The following FBXO36 variants were observed in gnomAD, a reference collection of about 807,000 sequenced individuals.
FBXO36 encodes F-box protein 36.
In FBXO36, 18 loss-of-function variants were observed where a neutral mutation model predicts 17.0. The observed-to-expected ratio is 1.06, with a 90% CI of 0.73 to 1.57. The LOEUF (loss-of-function observed/expected upper bound fraction) is 1.57. Ranked by LOEUF, FBXO36 falls within the 40% of genes most tolerant of loss-of-function variation. The probability of loss-of-function intolerance (pLI) is 0.00; values close to 1 mark genes in which losing one functional copy is unlikely to be tolerated. For missense variants in FBXO36, 229 were observed against 221.9 expected, an observed-to-expected ratio of 1.03 and a Z score of -0.20; for synonymous variants, 83 against 85.3, an observed-to-expected ratio of 0.97 and a Z score of 0.15.
chr2:229,987,821 A>G (rs1226498701), intron 2 of FBXO36, among the ~76,000 whole-genome samples: 1 of 151,936 alleles, frequency 6.6e-6, no homozygotes, highest in Non-Finnish European at 1.5e-5. Flanking sequence ...GGGTCTCACT[A>G]TGGTGCGCAG....
intron 2 of FBXO36, among the ~76,000 whole-genome samples, chr2:229,980,607 G>C (rs114579661): frequency 0.013 from 1,937 of 151,994 alleles, 46 homozygotes; most frequent in African/African-American, 0.042. Context: ...TAAGAGATTG[G>C]GGGGAGGGGT....
chr2:229,962,161 T>A (rs952875338), intron 1 of FBXO36, among the ~76,000 whole-genome samples: 1 of 151,464 alleles, frequency 6.6e-6, no homozygotes, highest in Non-Finnish European at 1.5e-5. Flanking sequence ...CCAGCCTGGG[T>A]GACAGAGTAT....
chr2:229,956,578 C>T (rs1339043235), intron 1 of FBXO36, among the ~76,000 whole-genome samples: 1 of 152,132 alleles, frequency 6.6e-6, no homozygotes, highest in Non-Finnish European at 1.5e-5. Context: ...GGTGACAACT[C>T]GTGACAAAGT....
chr2:229,981,641 G>A (rs982956064), intron 2 of FBXO36, among the ~76,000 whole-genome samples: 2 of 146,394 alleles, frequency 1.4e-5, no homozygotes, highest in Non-Finnish European at 3.0e-5. Flanking sequence ...GGTCCAGGCT[G>A]TAGTGCGCTG....
rs60093081 is a variant in FBXO36, at chr2:229,954,234, A to ATTTTTTTTTTTTTTTTTTT, written c.97-21999_97-21981dup. ...GCAACTGTCATTACAAACCCTTTGG[A>ATTTTTTTTTTTTTTTTTTT]TTTTTTTTTTTTTTTTTTTTTTTTT... is the stretch of plus-strand genomic sequence containing the variant. On this transcript the variant is annotated intron_variant, in intron 1 of 3. Coordinates refer to ENST00000283946, the MANE Select transcript of FBXO36 (RefSeq NM_174899.5). Among the ~76,000 whole-genome samples the ATTTTTTTTTTTTTTTTTTT allele has an allele frequency of 2.6e-3, 183 of 71,402 alleles. 50 individuals are homozygous for ATTTTTTTTTTTTTTTTTTT. Among genetic ancestry groups the ATTTTTTTTTTTTTTTTTTT allele is most frequent in the Non-Finnish European group, 3.7e-3 (145 of 38,930 alleles). 46.8% of individuals were successfully genotyped at this position (71,402 alleles called of 152,430 possible).
rs1258520330 is a variant in FBXO36 at position 229,967,051 on chromosome 2, A to C, written c.97-9190A>C. Among the ~76,000 whole-genome samples the C allele has an allele frequency of 4.6e-5, 7 of 152,152 alleles. No homozygotes were observed. The East Asian group carries it at 5.8e-4, about 13-fold the overall frequency. ...ATTTGTTGGTATCCTCTTTTATTTC[A>C]TTGAGCAGTGGTTTGTAGTTCTCCT... is the stretch of plus-strand genomic sequence containing the variant. On this transcript the variant is annotated intron_variant, in intron 1 of 3. Transcript: ENST00000283946.
intron 1 of FBXO36, among the ~76,000 whole-genome samples, chr2:229,930,554 C>G (rs2076933776): frequency 1.3e-5 from 2 of 152,024 alleles, no homozygotes; most frequent in Non-Finnish European, 2.9e-5. Flanking sequence ...AGGTCGAGAC[C>G]AGCCTAGCCA....
At chr2:229,971,692 CT>C (rs1182736018) in intron 1 of FBXO36, among the ~76,000 whole-genome samples, 44 of 148,464 alleles carry the variant, frequency 3.0e-4, no homozygotes, top group Admixed American at 1.2e-3. Context: ...ATTAATTTAA[CT>C]TTTTTTTTTT....
intron 1 of FBXO36, among the ~76,000 whole-genome samples, chr2:229,927,102 T>A (rs1159674409): frequency 6.6e-6 from 1 of 152,186 alleles, no homozygotes. Context: ...TCAAGTGATC[T>A]GCCCGCCTTG....
chr2:229,932,205 C>A (rs1056131796), intron 1 of FBXO36, among the ~76,000 whole-genome samples: 1 of 152,108 alleles, frequency 6.6e-6, no homozygotes, highest in African/African-American at 2.4e-5. Context: ...CATGGTGAAA[C>A]CCCGTCTCCA....
At chr2:229,959,188 A>G (rs1210966738) in intron 1 of FBXO36, among the ~76,000 whole-genome samples, 1 of 152,100 alleles carries the variant, frequency 6.6e-6, no homozygotes, top group Non-Finnish European at 1.5e-5. Flanking sequence ...AATAATTTTT[A>G]ATTTTTAATA....
chr2:229,938,382 C>CCACCATCGT (rs1333322320), intron 1 of FBXO36, among the ~76,000 whole-genome samples: 1 of 144,792 alleles, frequency 6.9e-6, no homozygotes, highest in African/African-American at 2.6e-5. Context: ...CCATCATGCC[C>CCACCATCGT]GGCTAATTTT....
In FBXO36 at chr2:230,000,355, CAAAAAAAAA is replaced by C. The variant is rs3086348; in HGVS notation, c.378+3447_378+3455del. 6.2e-3 allele frequency among the ~76,000 whole-genome samples: 480 copies of C among 77,484 alleles called. 5 individuals are homozygous for C. Among genetic ancestry groups the C allele is most frequent in the Middle Eastern group, 0.014 (2 of 146 alleles). 50.8% of individuals were successfully genotyped at this position (77,484 alleles called of 152,430 possible). A position where few individuals can be genotyped will look rare whatever the true frequency, so the allele number is the denominator to read the frequency against. ...CCTGGACAACAGAGTGAGACTGTCTCAAAAAAAAAAAAAAAAAAAAAAAGAAGCAGCAGC... is the reference window on the plus strand; with the variant it reads ...CCTGGACAACAGAGTGAGACTGTCTCAAAAAAAAAAAAAAGAAGCAGCAGC... On this transcript the variant is annotated intron_variant, in intron 3 of 3. Transcript: ENST00000283946.
At chr2:229,924,407 T>C (rs2076892744) in intron 1 of FBXO36, among the ~76,000 whole-genome samples, 1 of 152,240 alleles carries the variant, frequency 6.6e-6, no homozygotes, top group South Asian at 2.1e-4. Context: ...TTAAGATTTA[T>C]GATCCTAACA....
At chr2:229,971,092 G>A (rs1165421230) in intron 1 of FBXO36, among the ~76,000 whole-genome samples, 12 of 152,104 alleles carry the variant, frequency 7.9e-5, no homozygotes, top group African/African-American at 9.7e-5. Context: ...GGCGGCTCAC[G>A]CCTCTAATCT....
At chr2:229,953,055 C>T (rs1054916347) in intron 1 of FBXO36, among the ~76,000 whole-genome samples, 4 of 152,146 alleles carry the variant, frequency 2.6e-5, no homozygotes, top group Admixed American at 6.6e-5. Flanking sequence ...GAAAAGAAAA[C>T]GGCCGGGTGC....
rs552612670 is a variant in FBXO36 at position 229,980,288 on chromosome 2, T to A, written c.205+3939T>A. On this transcript the variant is annotated intron_variant, in intron 2 of 3. Coordinates refer to ENST00000283946, the MANE Select transcript of FBXO36 (RefSeq NM_174899.5). ...GTTGGCCAGGCTGGTCTCGAACTCC[T>A]GGCCTCAAGTGATCTGGCTGCCTCG... 1.1e-4 allele frequency among the ~76,000 whole-genome samples: 16 copies of A among 152,282 alleles called. No homozygotes were observed. In the South Asian group the frequency reaches 3.3e-3, roughly 32 times the overall value.
intron 1 of FBXO36, among the ~76,000 whole-genome samples, chr2:229,924,238 G>A (rs546358129): frequency 6.6e-6 from 1 of 152,020 alleles, no homozygotes; most frequent in African/African-American, 2.4e-5. Flanking sequence ...GATTACAGGC[G>A]TGCGCCACCA....
chr2:229,979,049 C>T (rs192219123), intron 2 of FBXO36, among the ~76,000 whole-genome samples: 80 of 151,426 alleles, frequency 5.3e-4, no homozygotes, highest in African/African-American at 1.7e-3. Context: ...TGGGGGCAGG[C>T]GCCTGTAATC....
Sources: allele counts gnomAD v4.1 joint callset (sites outside exome capture counted in the v4.1 genomes callset), GRCh38; gene constraint gnomAD v4.1.1; transcripts MANE v1.5; gene names NCBI Gene and HGNC (gene_info 2026-07-23, HGNC 2026-07-21).